The following PADI4 variants were observed in gnomAD, a reference collection of about 807,000 sequenced individuals.
The protein encoded by PADI4 is protein-arginine deiminase type-4.
Under a neutral mutation model 75.0 loss-of-function variants are expected in PADI4, and 62 were observed. The ratio of observed to expected loss-of-function variants is 0.83; its 90% CI spans 0.67 to 1.02. PADI4 has a LOEUF of 1.02. Ranked by LOEUF, PADI4 falls within the 50% of genes least tolerant of loss-of-function variation. The pLI is 0.00. For missense variants in PADI4, 845 were observed against 850.5 expected (o/e 0.99, Z 0.08); for synonymous variants, 361 against 348.1 (o/e 1.04, Z -0.41).
At chr1:17,338,189 T>G (rs769262704) in intron 5 of PADI4, 34 bp downstream of exon 5, 1 of 1,383,706 alleles carries the variant, frequency 7.2e-7, no homozygotes, top group Non-Finnish European at 1.0e-6. Context: ...GGGAAGGGCT[T>G]TTTATAAAGC....
intron 4 of PADI4, among the ~76,000 whole-genome samples, chr1:17,336,843 C>A (rs1748029): frequency 0.64 from 96,632 of 152,030 alleles, 30,960 homozygotes; most frequent in Non-Finnish European, 0.67. Flanking sequence ...AGTGGGAAGA[C>A]AAATTACAAC....
chr1:17,346,569 G>T lies in PADI4; in HGVS notation c.1047+430G>T, dbSNP rs926473128. On this transcript the variant is annotated intron_variant, in intron 9 of 15. Coordinates refer to ENST00000375448, the MANE Select transcript of PADI4 (RefSeq NM_012387.3). This position sits in a 1 kb window ranked among gnomAD's most constrained non-coding sequence, Gnocchi z 4.3. ...GTCTGTTTCCAGGCCCTCTCAGCCT[G>T]CCTGGTTCCCTTCCCTGGGGCCAGC... Among the ~76,000 whole-genome samples, 1 of 152,058 alleles carries T rather than the reference G, an allele frequency of 6.6e-6. No homozygotes were observed. Among genetic ancestry groups the T allele is most frequent in the Non-Finnish European group, 1.5e-5 (1 of 68,022 alleles).
intron 15 of PADI4, 64 bp from the exon 16 acceptor site, chr1:17,363,458 C>A: frequency 9.0e-7 from 1 of 1,113,432 alleles, no homozygotes; most frequent in Non-Finnish European, 1.3e-6. Context: ...AAGGGTGGGG[C>A]CGCTCAGATT....
intron 9 of PADI4, 115 bp from the exon 10 acceptor site, chr1:17,347,826 G>A (rs922969293): frequency 1.8e-6 from 1 of 548,904 alleles, no homozygotes; most frequent in Non-Finnish European, 3.3e-6. Context: ...CCATAGGAAT[G>A]TGCCCTTGAC....
intron 5 of PADI4, among the ~76,000 whole-genome samples, chr1:17,338,756 G>A (rs2074362638): frequency 6.6e-6 from 1 of 152,224 alleles, no homozygotes. Context: ...CAAACCTCTG[G>A]GCTGCTAAGG....
rs144583152 is a variant in PADI4, at chr1:17,342,867, C to T, written c.935+465C>T. On this transcript the variant is annotated intron_variant, in intron 8 of 15. Transcript: ENST00000375448. ...GGCGCATGCCTGTAATCCAGCTACTCAGGAGGCCGAGGCACGAGAATTGCT... is the reference window on the plus strand; with the variant it reads ...GGCGCATGCCTGTAATCCAGCTACTTAGGAGGCCGAGGCACGAGAATTGCT... 2.8e-3 allele frequency among the ~76,000 whole-genome samples: 423 copies of T among 152,294 alleles called. 4 individuals carry two copies. Among genetic ancestry groups the T allele is most frequent in the African/African-American group, 9.6e-3 (397 of 41,564 alleles).
chr1:17,318,690 C>CTTT (rs11464953), intron 1 of PADI4, among the ~76,000 whole-genome samples: 2 of 143,054 alleles, frequency 1.4e-5, no homozygotes, highest in Non-Finnish European at 1.5e-5. Context: ...GATTTTTTTT[C>CTTT]TTTTTTTTTT....
chr1:17,355,953 G>A lies in PADI4; in HGVS notation c.1311-30G>A, dbSNP rs538507735. 4.2e-5 allele frequency: 67 copies of A among 1,613,866 alleles called. No individual in the cohort carries two copies. In the Middle Eastern group the frequency reaches 5.1e-4, roughly 12 times the overall value. ...GGACTTCCCTGTAGCCCTTGCTGCC[G>A]ATAACACCCCTTTAACCCTGCCATG... On this transcript the variant is annotated intron_variant, in intron 11 of 15. Coordinates refer to ENST00000375448, the MANE Select transcript of PADI4 (RefSeq NM_012387.3).
chr1:17,336,227 G>A lies in PADI4; in HGVS notation c.408+1G>A. The A allele has an allele frequency of 1.2e-6, 2 of 1,612,702 alleles. No individual in the cohort carries two copies. The highest frequency in any genetic ancestry group is 1.7e-6 in the Non-Finnish European group (2 of 1,178,718). ...GCCAACCAGAGCTGTGAAAGATCAGGTACCACTCACCCAAACGCTCCTTTC... is the reference window on the plus strand; with the variant it reads ...GCCAACCAGAGCTGTGAAAGATCAGATACCACTCACCCAAACGCTCCTTTC... On this transcript the variant is annotated splice_donor_variant, in intron 4 of 15. Coordinates refer to ENST00000375448, the MANE Select transcript of PADI4 (RefSeq NM_012387.3). LOFTEE classifies it high-confidence loss of function.
At position 17,332,957 on chromosome 1, in the gene PADI4, G is replaced by T. The variant is rs7545194; in HGVS notation, c.274-986G>T. Among the ~76,000 whole-genome samples, 485 of 152,322 alleles carry T rather than the reference G, an allele frequency of 3.2e-3. 6 individuals carry two copies. Among genetic ancestry groups the T allele is most frequent in the African/African-American group, 0.011 (451 of 41,570 alleles). ...TCTGGATGAGAAAAGGGTGAGACAC[G>T]TGTTGGGGAAACTGAGGAAGTTCTG... is the stretch of plus-strand genomic sequence containing the variant. On this transcript the variant is annotated intron_variant, in intron 2 of 15. Coordinates refer to ENST00000375448, the MANE Select transcript of PADI4 (RefSeq NM_012387.3).
chr1:17,311,076 A>T (rs1038827625), intron 1 of PADI4, among the ~76,000 whole-genome samples: 1 of 151,510 alleles, frequency 6.6e-6, no homozygotes, highest in Non-Finnish European at 1.5e-5. Context: ...CAGCCTGGGC[A>T]ACACAGTGAG....
At chr1:17,319,755 G>A (rs935623249) in intron 1 of PADI4, among the ~76,000 whole-genome samples, 2 of 152,130 alleles carry the variant, frequency 1.3e-5, no homozygotes, top group African/African-American at 2.4e-5. Flanking sequence ...GCACGGAAGC[G>A]AGGCTCAGAA....
chr1:17,311,317 C>G (rs893193129), intron 1 of PADI4, among the ~76,000 whole-genome samples: 1 of 152,206 alleles, frequency 6.6e-6, no homozygotes, highest in South Asian at 2.1e-4. Flanking sequence ...CTAAACCCAC[C>G]CTGCTTCGCA....
Position 17,359,402 on chromosome 1 carries a change from C to T in PADI4, c.1752C>T (p.Pro584=). Residue 584 remains proline (P), a synonymous_variant, in exon 15 of 16, where the codon CCC becomes CCT. Transcript: ENST00000375448. ...KEFSKAEAFF[P]NMVNMLVLGK... ...TCTCTAAGGCGGAAGCTTTTTTCCC[C>T]AACATGGTGAGGAGGTGGCGGCTTT... 1 of 1,614,020 alleles carries T rather than the reference C, an allele frequency of 6.2e-7. No individual in the cohort carries two copies. The highest frequency in any genetic ancestry group is 8.5e-7 in the Non-Finnish European group (1 of 1,179,956).
intron 8 of PADI4, among the ~76,000 whole-genome samples, chr1:17,345,090 G>A (rs188572770): frequency 2.6e-5 from 4 of 152,326 alleles, no homozygotes; most frequent in Admixed American, 2.0e-4. Flanking sequence ...TAAGACCATG[G>A]GAACCCACCT....
chr1:17,356,268 TC>T lies in PADI4; in HGVS notation c.1456-87del. ...AGGAGGTGGCCAGCTTGGGTCCAAG[TC>T]CACACTACTCCCACCCTCAGCAGAT... On this transcript the variant is annotated intron_variant, in intron 12 of 15. Transcript: ENST00000375448. This position sits in a 1 kb window ranked among gnomAD's most constrained non-coding sequence, Gnocchi z 4.1. 8.0e-7 allele frequency: 1 copy of T among 1,256,946 alleles called. No homozygotes were observed. The highest frequency in any genetic ancestry group is 1.1e-6 in the Non-Finnish European group (1 of 896,120). The allele number at this position is 1,256,946 out of a possible 1,614,324, so 77.9% of individuals were successfully genotyped here.
chr1:17,314,756 G>C (rs116639819), intron 1 of PADI4, among the ~76,000 whole-genome samples: 1 of 152,284 alleles, frequency 6.6e-6, no homozygotes, highest in Non-Finnish European at 1.5e-5. Context: ...CCTGGGAGAC[G>C]TTTCCCCGGG....
chr1:17,324,201 G>T (rs139823998), intron 1 of PADI4, among the ~76,000 whole-genome samples: 218 of 145,924 alleles, frequency 1.5e-3, no homozygotes, highest in African/African-American at 5.1e-3. Context: ...CCAGTAAGCA[G>T]TGTGTTAGAG....
intron 10 of PADI4, among the ~76,000 whole-genome samples, chr1:17,349,087 T>C (rs1001790507): frequency 6.6e-6 from 1 of 152,332 alleles, no homozygotes; most frequent in East Asian, 1.9e-4. Context: ...GCAGTGGAGA[T>C]GCAGAGATGC....
Sources: gnomAD v4.1 joint callset for allele counts (sites outside exome capture counted in the v4.1 genomes callset) on GRCh38, gnomAD v4.1.1 for gene constraint, Gnocchi (gnomAD v3.1) non-coding constraint, MANE v1.5 for transcripts, NCBI Gene and HGNC (gene_info 2026-07-23, HGNC 2026-07-21) for gene names.